Variants in PLEK observed in about 807,000 individuals in gnomAD.
PLEK encodes the protein platelet 47 kDa protein.
Under a neutral mutation model 43.9 loss-of-function variants are expected in PLEK, and 25 were observed. That is an observed-to-expected ratio of 0.57 (90% CI 0.41 to 0.79). The LOEUF (loss-of-function observed/expected upper bound fraction) is 0.79. Ranked by LOEUF, PLEK falls within the 30% of genes least tolerant of loss-of-function variation. The probability of loss-of-function intolerance (pLI) is 0.00; values close to 1 mark genes in which losing one functional copy is unlikely to be tolerated. For synonymous variants in PLEK, 152 were observed against 144.4 expected, an observed-to-expected ratio of 1.05 and a Z score of -0.38; for missense variants, 396 against 413.3, an observed-to-expected ratio of 0.96 and a Z score of 0.36.
intron 5 of PLEK, among the ~76,000 whole-genome samples, chr2:68,387,449 A>G (rs1201914398): frequency 6.6e-6 from 1 of 152,246 alleles, no homozygotes; most frequent in Non-Finnish European, 1.5e-5. Context: ...CACAGGTTTG[A>G]TGTATTAAGT....
In PLEK at chr2:68,382,538, G is replaced by T; in HGVS notation, c.381-4G>T. ...TGTTTGTTTGCTTTTTTATCTCTGT[G>T]CAGTGCCTTATATTTGTCCATGAAA... On this transcript the variant is annotated splice_polypyrimidine_tract_variant and splice_region_variant and intron_variant, in intron 3 of 8. Transcript: ENST00000234313. The T allele has an allele frequency of 6.6e-7, 1 of 1,512,680 alleles. No homozygotes were observed. Among genetic ancestry groups the T allele is most frequent in the Non-Finnish European group, 9.2e-7 (1 of 1,089,552 alleles). 93.7% of individuals were successfully genotyped at this position (1,512,680 alleles called of 1,614,324 possible).
At chr2:68,374,764 A>G (rs1673471413) in intron 1 of PLEK, among the ~76,000 whole-genome samples, 1 of 152,144 alleles carries the variant, frequency 6.6e-6, no homozygotes, top group African/African-American at 2.4e-5. Context: ...TACTCTAAGC[A>G]CATGTTTTGC....
rs184207810 is a variant in PLEK at position 68,396,564 on chromosome 2, C to A, written c.*748C>A. 1 of 152,112 alleles carries A rather than the reference C, an allele frequency of 6.6e-6. No individual in the cohort carries two copies. Among genetic ancestry groups the A allele is most frequent in the African/African-American group, 2.4e-5 (1 of 41,384 alleles). The allele number at this position is 152,112 out of a possible 1,614,324, so 9.4% of individuals were successfully genotyped here. A position where few individuals can be genotyped will look rare whatever the true frequency, so the allele number is the denominator to read the frequency against. On this transcript the variant is annotated 3_prime_UTR_variant, in exon 9 of 9. Coordinates refer to ENST00000234313, the MANE Select transcript of PLEK (RefSeq NM_002664.3). ...TGAGGGTCCTTTCTGTGCCCTTAAA[C>A]CGCCCAGAGGAGCCCTATTCCACTC...
intron 7 of PLEK, 88 bp from the exon 8 acceptor site, chr2:68,394,019 G>C (rs1484591405): frequency 1.2e-6 from 1 of 852,920 alleles, no homozygotes; most frequent in African/African-American, 1.7e-5. Context: ...ATCTATATTA[G>C]AGTGAGTCTG....
At chr2:68,378,698 C>T (rs968487874) in intron 1 of PLEK, among the ~76,000 whole-genome samples, 4 of 152,192 alleles carry the variant, frequency 2.6e-5, no homozygotes, top group African/African-American at 4.8e-5. Flanking sequence ...AGAGCACATT[C>T]GAACTTATAA....
chr2:68,374,039 T>G (rs1374755041), intron 1 of PLEK, among the ~76,000 whole-genome samples: 2 of 152,192 alleles, frequency 1.3e-5, no homozygotes, highest in East Asian at 3.8e-4. Context: ...TTACCTAGAT[T>G]AATCAATTGA....
intron 1 of PLEK, among the ~76,000 whole-genome samples, chr2:68,375,631 T>A (rs572310382): frequency 8.5e-5 from 13 of 152,224 alleles, no homozygotes; most frequent in African/African-American, 3.1e-4. Context: ...ACAAGCAAAG[T>A]GATAGTCCCA....
chr2:68,376,473 T>C (rs10210292), intron 1 of PLEK, among the ~76,000 whole-genome samples: 80,146 of 152,042 alleles, frequency 0.53, 22,672 homozygotes, highest in East Asian at 0.76. Context: ...CAAAGCTGAG[T>C]TACATATTGT....
At position 68,385,854 on chromosome 2, in the gene PLEK, CA is replaced by C. The variant is rs1673730405; in HGVS notation, c.473-647del. On this transcript the variant is annotated intron_variant, in intron 4 of 8. Transcript: ENST00000234313. ...CAGTAGTCTCGCAACTGACTTATAG[CA>C]GAGCACTTGTTACAAGACTTATTTA... Among the ~76,000 whole-genome samples the C allele has an allele frequency of 2.0e-5, 3 of 152,316 alleles. No homozygotes were observed. The South Asian group carries it at 6.2e-4, about 32-fold the overall frequency.
intron 1 of PLEK, among the ~76,000 whole-genome samples, chr2:68,370,508 CAG>C (rs1325375474): frequency 6.6e-6 from 1 of 152,058 alleles, no homozygotes; most frequent in Non-Finnish European, 1.5e-5. Flanking sequence ...TATTTTGAGA[CAG>C]AGTATTGCTC....
intron 1 of PLEK, among the ~76,000 whole-genome samples, chr2:68,378,846 C>G (rs1673555631): frequency 6.6e-6 from 1 of 152,106 alleles, no homozygotes; most frequent in African/African-American, 2.4e-5. Flanking sequence ...AGTCATAGAA[C>G]CAGCTGGGCG....
intron 1 of PLEK, 135 bp downstream of exon 1, chr2:68,365,528 A>G: frequency 1.4e-6 from 1 of 716,418 alleles, no homozygotes; most frequent in Non-Finnish European, 2.5e-6. Context: ...GGAGCGTGGT[A>G]GCACATAGAA....
intron 3 of PLEK, among the ~76,000 whole-genome samples, chr2:68,381,112 A>G (rs1673604761): frequency 6.8e-6 from 1 of 146,078 alleles, no homozygotes; most frequent in Non-Finnish European, 1.5e-5. Flanking sequence ...AATGGAGTAC[A>G]AATTCCCTCA....
intron 6 of PLEK, among the ~76,000 whole-genome samples, chr2:68,390,700 A>G (rs1238727376): frequency 1.3e-5 from 2 of 152,198 alleles, no homozygotes; most frequent in African/African-American, 4.8e-5. Context: ...CCTTGTGTTT[A>G]CTGCTGGGAG....
intron 7 of PLEK, among the ~76,000 whole-genome samples, 187 bp downstream of exon 7, chr2:68,393,432 C>T (rs866723374): frequency 1.1e-4 from 16 of 152,076 alleles, no homozygotes; most frequent in East Asian, 5.8e-4. Context: ...GATCTTGGGC[C>T]TCTGAGGTCA....
intron 4 of PLEK, among the ~76,000 whole-genome samples, chr2:68,383,337 C>A (rs1043428940): frequency 1.3e-5 from 2 of 152,122 alleles, no homozygotes; most frequent in Admixed American, 6.6e-5. Flanking sequence ...TCTGTACAAC[C>A]AATTCCAGGG....
At chr2:68,388,162 C>T in intron 5 of PLEK, 1 of 467,410 alleles carries the variant, frequency 2.1e-6, no homozygotes, top group African/African-American at 1.9e-5. Flanking sequence ...TTGACAAGAT[C>T]ACACCTGAGT....
chr2:68,379,512 A>AAAAG (rs1673570342), intron 1 of PLEK, among the ~76,000 whole-genome samples: 1 of 152,092 alleles, frequency 6.6e-6, no homozygotes, highest in African/African-American at 2.4e-5. Flanking sequence ...AAAGACTTCA[A>AAAAG]AAAAAGAAAG....
chr2:68,393,905 C>T (rs1001605617), intron 7 of PLEK, among the ~76,000 whole-genome samples: 1 of 152,110 alleles, frequency 6.6e-6, no homozygotes, highest in Non-Finnish European at 1.5e-5. Flanking sequence ...CATTGAGCCT[C>T]CTGGCCCCAC....
Sources: gnomAD v4.1 joint callset for allele counts (sites outside exome capture counted in the v4.1 genomes callset) on GRCh38, gnomAD v4.1.1 for gene constraint, MANE v1.5 for transcripts, NCBI Gene and HGNC (gene_info 2026-07-23, HGNC 2026-07-21) for gene names.